Variants in SATB1 observed in about 807,000 individuals in gnomAD.
SATB1 encodes the protein DNA-binding protein SATB1.
Under a neutral mutation model 86.9 loss-of-function variants are expected in SATB1, and 11 were observed. The ratio of observed to expected loss-of-function variants is 0.13; its 90% CI spans 0.08 to 0.21. SATB1 has a LOEUF of 0.21. Among genes scored for constraint, SATB1 ranks in the 10% least tolerant of loss-of-function variants. The pLI, the probability that SATB1 is intolerant of heterozygous loss-of-function variation, is 1.00. For missense variants in SATB1, 551 were observed against 937.6 expected (o/e 0.59, Z 5.39); for synonymous variants, 357 against 357.2 (o/e 1.00, Z 0.01).
chr3:18,436,746 CA>C (rs1296197522), intron 2 of SATB1: 2 of 152,176 alleles, frequency 1.3e-5, no homozygotes, highest in African/African-American at 4.8e-5. Context: ...ATAACACAGA[CA>C]TACCTTATTA....
upstream of SATB1, among the ~76,000 whole-genome samples, chr3:18,441,529 A>G (rs975343759): frequency 6.6e-6 from 1 of 152,188 alleles, no homozygotes; most frequent in South Asian, 2.1e-4. Flanking sequence ...GTGCTAATAT[A>G]TTAATTACAG....
chr3:18,375,733 G>A (rs116102914), intron 9 of SATB1, among the ~76,000 whole-genome samples: 15 of 152,122 alleles, frequency 9.9e-5, no homozygotes, highest in African/African-American at 3.4e-4. Flanking sequence ...CACAGGTTTT[G>A]GACTGTCTCA....
intron 9 of SATB1, chr3:18,353,126 C>T (rs1478528126): frequency 6.6e-6 from 1 of 152,358 alleles, no homozygotes; most frequent in Non-Finnish European, 1.5e-5. Context: ...CTGCTGCCTG[C>T]TAATACCTCT....
chr3:18,427,272 G>A (rs2125189181), upstream of SATB1, among the ~76,000 whole-genome samples: 1 of 152,300 alleles, frequency 6.6e-6, no homozygotes, highest in South Asian at 2.1e-4. Context: ...AACTAGTAAT[G>A]CCTGACATGT....
rs1256259959 is a variant in SATB1, at chr3:18,416,165, T to C, written c.389-32A>G. The C allele has an allele frequency of 1.9e-6, 3 of 1,558,404 alleles. No homozygotes were observed. The East Asian group carries it at 6.9e-5, about 36-fold the overall frequency. Reference sequence around the variant, plus strand: ...CAGATAAAGAGAATATGTCACTAAATATTTTACCCTCAGATAATATATCTA... The same window carrying C: ...CAGATAAAGAGAATATGTCACTAAACATTTTACCCTCAGATAATATATCTA... On this transcript the variant is annotated intron_variant, in intron 3 of 10. Transcript: ENST00000338745.
chr3:18,445,484 C>T (rs1699370832), intron 1 of SATB1: 6 of 985,340 alleles, frequency 6.1e-6, no homozygotes, highest in Non-Finnish European at 7.2e-6. Flanking sequence ...GTGCGCGGCG[C>T]GGTTCTCGTC....
At chr3:18,400,986 C>T (rs887260020) in intron 5 of SATB1, among the ~76,000 whole-genome samples, 1 of 152,196 alleles carries the variant, frequency 6.6e-6, no homozygotes, top group African/African-American at 2.4e-5. Flanking sequence ...AGAAGGCACA[C>T]CACTCCTCTG....
chr3:18,391,952 C>G (rs903643782), intron 7 of SATB1, among the ~76,000 whole-genome samples: 1 of 152,088 alleles, frequency 6.6e-6, no homozygotes, highest in Non-Finnish European at 1.5e-5. Context: ...AAAGTTAGTT[C>G]TCAAGGAATT....
In SATB1 at chr3:18,405,269, A is replaced by G. The variant is rs1697464053; in HGVS notation, c.640-7979T>C. On this transcript the variant is annotated intron_variant, in intron 5 of 10. Coordinates refer to ENST00000338745, the MANE Select transcript of SATB1 (RefSeq NM_002971.6). ...TCTGAATCTTAGGCACTCTATACCA[A>G]TGTACCCATTTGAGAAATCTCTTTC... Among the ~76,000 whole-genome samples, 2 of 151,934 alleles carry G rather than the reference A, an allele frequency of 1.3e-5. 1 individual carries two copies. The highest frequency in any genetic ancestry group is 1.3e-4 in the Admixed American group (2 of 15,210).
intron 5 of SATB1, among the ~76,000 whole-genome samples, chr3:18,397,872 G>T (rs1697046270): frequency 6.6e-6 from 1 of 152,110 alleles, no homozygotes; most frequent in Non-Finnish European, 1.5e-5. Flanking sequence ...CTATTATTTG[G>T]ATTTAAAGTG....
Position 18,347,828 on chromosome 3 carries a change from A to G in SATB1, c.*1342T>C, listed in dbSNP as rs1241526801. 1 of 152,228 alleles carries G rather than the reference A, an allele frequency of 6.6e-6. No individual in the cohort carries two copies. Among genetic ancestry groups the G allele is most frequent in the East Asian group, 1.9e-4 (1 of 5,198 alleles). 9.4% of individuals were successfully genotyped at this position (152,228 alleles called of 1,614,324 possible). A position where few individuals can be genotyped will look rare whatever the true frequency, so the allele number is the denominator to read the frequency against. On this transcript the variant is annotated 3_prime_UTR_variant, in exon 11 of 11. Coordinates refer to ENST00000338745, the MANE Select transcript of SATB1 (RefSeq NM_002971.6). ...TTACAGTGTTTCAAGTAACTTGTCA[A>G]TTGCTCTTTTTAAAATCAGTGAAAT...
chr3:18,394,666 A>G lies in SATB1; in HGVS notation c.1002T>C (p.Asn334=). The change falls in exon 7 of 11, where the codon AAT becomes AAC. Residue 334 remains asparagine (N), a synonymous_variant. Coordinates refer to ENST00000338745, the MANE Select transcript of SATB1 (RefSeq NM_002971.6). The surrounding 1 kb of genome is among the most constrained non-coding windows in gnomAD (Gnocchi z 5.9). ...AQLLNQQYAV[N]RLLAQQSLNQ... is the part of the protein sequence containing the mutation. ...TTAAGGACTGCTGGGCTAAAAGTCT[A>G]TTCACTGCATACTGCTGGTTCAGCA... 1.2e-6 allele frequency: 2 copies of G among 1,614,182 alleles called. No homozygotes were observed. The highest frequency in any genetic ancestry group is 1.7e-6 in the Non-Finnish European group (2 of 1,180,036).
In SATB1 at chr3:18,351,099, A is replaced by G. The variant is rs1694334967; in HGVS notation, c.1779+893T>C. 5.4e-6 allele frequency: 3 copies of G among 552,894 alleles called. No individual in the cohort carries two copies. The East Asian group carries it at 9.5e-5, about 17-fold the overall frequency. The allele number at this position is 552,894 out of a possible 1,614,324, so 34.2% of individuals were successfully genotyped here. A position where few individuals can be genotyped will look rare whatever the true frequency, so the allele number is the denominator to read the frequency against. On this transcript the variant is annotated intron_variant, in intron 10 of 10. Transcript: ENST00000338745. ...CCTGATCCCAGAACTTTTCCATCTA[A>G]ATTCACAGAAGAGTGTCTTCAGGAG...
intron 1 of SATB1, among the ~76,000 whole-genome samples, chr3:18,422,451 T>TTGTACTCCAG (rs1698440359): frequency 6.6e-6 from 1 of 152,222 alleles, no homozygotes; most frequent in African/African-American, 2.4e-5. Context: ...CTATTTATCT[T>TTGTACTCCAG]TGTACTCCAG....
intron 2 of SATB1, among the ~76,000 whole-genome samples, chr3:18,434,276 C>CT (rs1049796087): frequency 3.3e-5 from 5 of 152,036 alleles, no homozygotes; most frequent in Non-Finnish European, 5.9e-5. Flanking sequence ...GTAAATGTAT[C>CT]TTCAAGGCTG....
rs759078576 is a variant in SATB1 at position 18,378,404 on chromosome 3, T to C, written c.1420-79A>G. 5 of 1,347,588 alleles carry C rather than the reference T, an allele frequency of 3.7e-6. No individual in the cohort carries two copies. The African/African-American group carries it at 7.3e-5, about 20-fold the overall frequency. The allele number at this position is 1,347,588 out of a possible 1,614,324, so 83.5% of individuals were successfully genotyped here. A position where few individuals can be genotyped will look rare whatever the true frequency, so the allele number is the denominator to read the frequency against. On this transcript the variant is annotated intron_variant, in intron 8 of 10. Transcript: ENST00000338745. ...AGCTTCTCAGGCTCAGCATCCAAAC[T>C]GGACACTGTTGTTCCTTTTATGATC...
At chr3:18,376,312 A>G (rs373481674) in intron 9 of SATB1, among the ~76,000 whole-genome samples, 13 of 152,184 alleles carry the variant, frequency 8.5e-5, no homozygotes, top group Admixed American at 8.5e-4. Flanking sequence ...CAGGTGATAG[A>G]TAACTAAATA....
chr3:18,368,495 G>GA (rs1156891467), intron 9 of SATB1, among the ~76,000 whole-genome samples: 1 of 151,648 alleles, frequency 6.6e-6, no homozygotes, highest in Non-Finnish European at 1.5e-5. Flanking sequence ...GAAAGTTCCA[G>GA]AAAAAAACTA....
chr3:18,376,278 G>T (rs886320600), intron 9 of SATB1, among the ~76,000 whole-genome samples: 1 of 151,676 alleles, frequency 6.6e-6, no homozygotes, highest in Non-Finnish European at 1.5e-5. Context: ...GATGGCGGGG[G>T]TGGGGGTAGA....
Sources: allele counts gnomAD v4.1 joint callset (sites outside exome capture counted in the v4.1 genomes callset), GRCh38; gene constraint gnomAD v4.1.1; non-coding constraint Gnocchi (gnomAD v3.1); transcripts MANE v1.5; gene names NCBI Gene and HGNC (gene_info 2026-07-23, HGNC 2026-07-21).